Variants in SUMF1 observed in about 807,000 individuals in gnomAD.
SUMF1 encodes the protein formylglycine-generating enzyme.
SUMF1 carries 48 observed loss-of-function variants against 47.6 expected under a neutral mutation model. The observed-to-expected ratio is 1.01, with a 90% CI of 0.80 to 1.28. The LOEUF is 1.28. Ranked by LOEUF, SUMF1 falls within the 50% of genes most tolerant of loss-of-function variation. The pLI, the probability that SUMF1 is intolerant of heterozygous loss-of-function variation, is 0.00. For synonymous variants in SUMF1, 230 were observed against 192.1 expected, an observed-to-expected ratio of 1.20 and a Z score of -1.63; for missense variants, 571 against 485.4, an observed-to-expected ratio of 1.18 and a Z score of -1.66.
At chr3:4,446,192 T>C (rs1265771999) in intron 3 of SUMF1, among the ~76,000 whole-genome samples, 1 of 152,224 alleles carries the variant, frequency 6.6e-6, no homozygotes, top group Non-Finnish European at 1.5e-5. Flanking sequence ...AAATCTCATC[T>C]TGAATTATAG....
chr3:4,147,571 T>C (rs2125102311), intron 8 of SUMF1, among the ~76,000 whole-genome samples: 1 of 152,274 alleles, frequency 6.6e-6, no homozygotes, highest in East Asian at 1.9e-4. Flanking sequence ...AAAAAGCTGT[T>C]TGACAGAATT....
chr3:4,229,289 C>G (rs1168795493), intron 8 of SUMF1: 1 of 369,824 alleles, frequency 2.7e-6, no homozygotes, highest in Non-Finnish European at 5.3e-6. Context: ...ATGCTAGCAA[C>G]TAGGTGTGTA....
At chr3:4,206,873 T>C (rs1695665074) in intron 8 of SUMF1, among the ~76,000 whole-genome samples, 1 of 152,088 alleles carries the variant, frequency 6.6e-6, no homozygotes, top group Admixed American at 6.6e-5. Flanking sequence ...AGGAACTAGT[T>C]GTCAATTTCT....
intron 8 of SUMF1, among the ~76,000 whole-genome samples, chr3:4,367,734 G>A (rs2125194726): frequency 6.6e-6 from 1 of 152,250 alleles, no homozygotes; most frequent in Middle Eastern, 3.4e-3. Context: ...AAGCAATGGG[G>A]AAAGGATTCC....
chr3:4,294,299 G>A (rs560263644), intron 8 of SUMF1, among the ~76,000 whole-genome samples: 8 of 152,172 alleles, frequency 5.3e-5, no homozygotes, highest in African/African-American at 1.9e-4. Flanking sequence ...ACGTGGCCAC[G>A]TCCATTCATT....
chr3:4,444,621 T>C (rs1702717929), intron 3 of SUMF1, among the ~76,000 whole-genome samples: 1 of 152,190 alleles, frequency 6.6e-6, no homozygotes, highest in Non-Finnish European at 1.5e-5. Context: ...AATAAATGCG[T>C]GATTATAGAC....
intron 8 of SUMF1, among the ~76,000 whole-genome samples, chr3:4,367,214 C>T (rs1038170065): frequency 7.2e-5 from 11 of 152,186 alleles, no homozygotes; most frequent in African/African-American, 1.2e-4. Context: ...CTCAGATCTC[C>T]AGCTGCGTGC....
Position 4,255,741 on chromosome 3 carries a change from A to G in SUMF1, c.1014+120589T>C, listed in dbSNP as rs1696936468. Among the ~76,000 whole-genome samples, 7 of 132,536 alleles carry G rather than the reference A, an allele frequency of 5.3e-5. No individual in the cohort carries two copies. The South Asian group carries it at 2.0e-3, about 39-fold the overall frequency. The allele number at this position is 132,536 out of a possible 152,430, so 86.9% of individuals were successfully genotyped here. A position where few individuals can be genotyped will look rare whatever the true frequency, so the allele number is the denominator to read the frequency against. ...AGTCAACAAGGATACCCAGGAATTG[A>G]ACTCAGCTCTGCACCAAGCGGACCT... On this transcript the variant is annotated intron_variant and NMD_transcript_variant, in intron 8 of 12. Coordinates refer to the SUMF1 transcript ENST00000448413.
intron 8 of SUMF1, among the ~76,000 whole-genome samples, chr3:4,117,379 A>T (rs1313779029): frequency 1.3e-5 from 2 of 152,110 alleles, no homozygotes; most frequent in Non-Finnish European, 2.9e-5. Context: ...CAAAATGACA[A>T]ATTATTCCTG....
intron 9 of SUMF1, among the ~76,000 whole-genome samples, chr3:4,053,608 C>T (rs1259235847): frequency 2.0e-5 from 3 of 152,126 alleles, no homozygotes; most frequent in Non-Finnish European, 2.9e-5. Flanking sequence ...GGTCCAGAAT[C>T]CCAGAATCTT....
At chr3:4,294,383 C>G (rs1446152667) in intron 8 of SUMF1, among the ~76,000 whole-genome samples, 2 of 152,114 alleles carry the variant, frequency 1.3e-5, no homozygotes, top group East Asian at 3.9e-4. Context: ...GGCAACACTG[C>G]AAGACCCTAT....
rs62257657 is a variant in SUMF1 at position 4,068,756 on chromosome 3, T to A, written c.1015-11A>T. Reference sequence around the variant, plus strand: ...ATAGTACTCTTGGGACTAAAACAAATAAGAAGAAGAAGAAGAAGAAATAAT... The same window carrying A: ...ATAGTACTCTTGGGACTAAAACAAAAAAGAAGAAGAAGAAGAAGAAATAAT... On this transcript the variant is annotated splice_polypyrimidine_tract_variant and intron_variant and NMD_transcript_variant, in intron 8 of 12. Coordinates refer to the SUMF1 transcript ENST00000448413. 4.4e-3 allele frequency: 1,437 copies of A among 329,020 alleles called. 10 individuals are homozygous for A. The highest frequency in any genetic ancestry group is 6.8e-3 in the Non-Finnish European group (1,105 of 161,778). 20.4% of individuals were successfully genotyped at this position (329,020 alleles called of 1,614,324 possible).
At chr3:4,050,187 T>A (rs945815481) in intron 9 of SUMF1, among the ~76,000 whole-genome samples, 2 of 151,900 alleles carry the variant, frequency 1.3e-5, no homozygotes, top group African/African-American at 4.8e-5. Flanking sequence ...GGCATGAGTA[T>A]CCTGGCTTGA....
intron 8 of SUMF1, among the ~76,000 whole-genome samples, chr3:4,204,571 TC>T (rs1204983960): frequency 6.6e-6 from 1 of 152,144 alleles, no homozygotes; most frequent in Non-Finnish European, 1.5e-5. Context: ...AATTTTATGG[TC>T]CAATCTTTCT....
At chr3:4,199,300 A>C (rs188194008) in intron 8 of SUMF1, among the ~76,000 whole-genome samples, 11 of 152,156 alleles carry the variant, frequency 7.2e-5, no homozygotes, top group Non-Finnish European at 1.6e-4. Context: ...TCATGTTGTT[A>C]CATGTATAAG....
chr3:4,327,101 T>C (rs1206816994), intron 8 of SUMF1, among the ~76,000 whole-genome samples: 1 of 152,172 alleles, frequency 6.6e-6, no homozygotes, highest in Admixed American at 6.5e-5. Context: ...TTTACAAAAC[T>C]GTTAAAAGCT....
intron 8 of SUMF1, among the ~76,000 whole-genome samples, chr3:4,249,681 C>T (rs1559611899): frequency 6.6e-6 from 1 of 152,144 alleles, no homozygotes; most frequent in African/African-American, 2.4e-5. Flanking sequence ...AAAATGGCCT[C>T]TAAGTTTTTA....
chr3:4,136,517 C>A (rs1016102722), intron 8 of SUMF1, among the ~76,000 whole-genome samples: 6 of 151,868 alleles, frequency 4.0e-5, no homozygotes, highest in Non-Finnish European at 5.9e-5. Flanking sequence ...CCATAAAAAC[C>A]CTAGAAGAAA....
intron 8 of SUMF1, among the ~76,000 whole-genome samples, chr3:4,349,534 T>C (rs1212779650): frequency 6.6e-6 from 1 of 152,188 alleles, no homozygotes; most frequent in African/African-American, 2.4e-5. Context: ...CACACGCACA[T>C]GTATGCTCCT....
Sources: gnomAD v4.1 joint callset for allele counts (sites outside exome capture counted in the v4.1 genomes callset) on GRCh38, gnomAD v4.1.1 for gene constraint, MANE v1.5 for transcripts, NCBI Gene and HGNC (gene_info 2026-07-23, HGNC 2026-07-21) for gene names.